Variants in RYR3 observed in about 807,000 individuals in gnomAD.
RYR3 encodes the protein ryanodine receptor 3.
A neutral mutation model predicts 584.3 loss-of-function variants in RYR3; 207 were observed. The ratio of observed to expected loss-of-function variants is 0.35; its 90% CI spans 0.32 to 0.40. The LOEUF (loss-of-function observed/expected upper bound fraction) is 0.40. Among genes scored for constraint, RYR3 ranks in the 10% least tolerant of loss-of-function variants. RYR3 has a pLI of 1.00. For missense variants in RYR3, 5,616 were observed against 6,089.2 expected (o/e 0.92, Z 2.59); for synonymous variants, 2,416 against 2,248.5 (o/e 1.07, Z -2.11).
chr15:33,371,354 A>G (rs1050882493), intron 1 of RYR3, among the ~76,000 whole-genome samples: 6 of 152,184 alleles, frequency 3.9e-5, no homozygotes, highest in Non-Finnish European at 7.3e-5. Flanking sequence ...CATGGTATCA[A>G]GGCTCCTGCA....
At chr15:33,362,413 T>G (rs11854964) in intron 1 of RYR3, among the ~76,000 whole-genome samples, 1,814 of 152,136 alleles carry the variant, frequency 0.012, 31 homozygotes, top group African/African-American at 0.038. Flanking sequence ...ATCATCATCA[T>G]CAGCAGCAGC....
At chr15:33,422,036 A>G (rs900872051) in intron 1 of RYR3, among the ~76,000 whole-genome samples, 15 of 152,164 alleles carry the variant, frequency 9.9e-5, no homozygotes, top group African/African-American at 3.4e-4. Flanking sequence ...CTGCAGTGCT[A>G]CTTCAGTTCA....
At chr15:33,713,041 A>G (rs1037749378) in intron 43 of RYR3, among the ~76,000 whole-genome samples, 2 of 152,210 alleles carry the variant, frequency 1.3e-5, no homozygotes, top group Non-Finnish European at 2.9e-5. Context: ...TAATAAACAG[A>G]TTTCTTTGGA....
At chr15:33,737,994 G>A (rs2069670141) in intron 49 of RYR3, among the ~76,000 whole-genome samples, 1 of 152,084 alleles carries the variant, frequency 6.6e-6, no homozygotes, top group African/African-American at 2.4e-5. Flanking sequence ...TAATTGACGA[G>A]AGAAAATCTT....
intron 60 of RYR3, among the ~76,000 whole-genome samples, chr15:33,759,477 A>C (rs929640797): frequency 2.0e-5 from 3 of 152,220 alleles, no homozygotes; most frequent in Non-Finnish European, 4.4e-5. Context: ...TGAAAAACAC[A>C]GCACAAGAAC....
At chr15:33,610,440 TG>T (rs2060123784) in intron 18 of RYR3, among the ~76,000 whole-genome samples, 1 of 152,184 alleles carries the variant, frequency 6.6e-6, no homozygotes. Context: ...GAGCACGAGT[TG>T]GGTCTTCTGT....
In RYR3 at chr15:33,696,260, C is replaced by T. The variant is rs769773347; in HGVS notation, c.5903C>T (p.Ala1968Val). ...ELISQTMICW[A>V]QEDQIQDSEL... The stretch of plus-strand genomic sequence containing the variant: ...ATCTCACAGACGATGATCTGCTGGG[C>T]CCAGGAGGACCAGATCCAGGATTCA... Residue 1968 changes from alanine (A) to valine (V), a missense_variant, in exon 39 of 104, where the codon GCC (alanine) becomes GTC (valine). Ala to Val is a moderately conservative substitution (Grantham distance 64). Around this residue, in one of 9 missense-constraint regions of RYR3, gnomAD observed 1,280 missense variants for 1,426.2 expected, o/e 0.90. Coordinates refer to ENST00000634891, the MANE Select transcript of RYR3 (RefSeq NM_001036.6). 4 of 1,613,754 alleles carry T rather than the reference C, an allele frequency of 2.5e-6. No homozygotes were observed. The highest frequency in any genetic ancestry group is 1.7e-5 in the Admixed American group (1 of 60,018).
At chr15:33,853,360 TA>T (rs1275639113) in intron 95 of RYR3, among the ~76,000 whole-genome samples, 194 bp from the exon 96 acceptor site, 3 of 152,170 alleles carry the variant, frequency 2.0e-5, no homozygotes, top group African/African-American at 4.8e-5. Context: ...AGTATCAGCT[TA>T]AAAAACAGTT....
At chr15:33,773,651 A>C (rs2073780716) in intron 64 of RYR3, 36 bp downstream of exon 64, 1 of 1,371,498 alleles carries the variant, frequency 7.3e-7, no homozygotes, top group South Asian at 1.2e-5. Flanking sequence ...ACTTTCAGGC[A>C]TAGTAAAATG....
At chr15:33,769,677 G>A (rs2073408521) in intron 62 of RYR3, among the ~76,000 whole-genome samples, 1 of 152,258 alleles carries the variant, frequency 6.6e-6, no homozygotes, top group South Asian at 2.1e-4. Context: ...ACGCAGGCCA[G>A]GCGCGGTGGC....
In RYR3 at chr15:33,838,506, A is replaced by C. The variant is rs1269125263; in HGVS notation, c.12526A>C (p.Thr4176Pro). Reference protein sequence around the residue: ...RKQYRNVKKMTAKELVKVLFS... With the variant: ...RKQYRNVKKMPAKELVKVLFS... ...GCAGTACAGGAACGTGAAAAAGATG[A>C]CTGCGAAGGAGCTGGTGAAGGTGCT... The change falls in exon 89 of 104, where the codon ACT becomes CCT. Residue 4176 changes from threonine (T) to proline (P), a missense_variant. This residue lies in a region of RYR3 where 918 missense variants were observed against 887.4 expected (regional missense o/e 1.03). Transcript: ENST00000634891. 1 of 1,613,964 alleles carries C rather than the reference A, an allele frequency of 6.2e-7. No individual in the cohort carries two copies.
chr15:33,410,734 C>T (rs1032877878), intron 1 of RYR3, among the ~76,000 whole-genome samples: 5 of 152,146 alleles, frequency 3.3e-5, no homozygotes, highest in East Asian at 1.9e-4. Flanking sequence ...TGGAAGGCCA[C>T]GAGAGGAACC....
chr15:33,583,020 G>T (rs2058671491), intron 14 of RYR3, among the ~76,000 whole-genome samples: 1 of 151,240 alleles, frequency 6.6e-6, no homozygotes, highest in Admixed American at 6.6e-5. Context: ...AAACTCAAAT[G>T]ACAGCATATT....
chr15:33,431,854 A>G (rs1194673126), intron 1 of RYR3, among the ~76,000 whole-genome samples: 1 of 152,208 alleles, frequency 6.6e-6, no homozygotes, highest in Non-Finnish European at 1.5e-5. Context: ...ATCTAATTTA[A>G]GCCTAAACCA....
intron 93 of RYR3, 71 bp downstream of exon 93, chr15:33,845,133 C>T (rs1264482964): frequency 1.5e-5 from 22 of 1,516,704 alleles, no homozygotes; most frequent in Non-Finnish European, 2.0e-5. Flanking sequence ...GCCCAGCCAG[C>T]CCTTTGCTCT....
intron 52 of RYR3, among the ~76,000 whole-genome samples, chr15:33,744,770 A>G (rs1437481124): frequency 6.6e-6 from 1 of 152,202 alleles, no homozygotes; most frequent in African/African-American, 2.4e-5. Context: ...TAGCTAGGAC[A>G]TGGAGTAGGA....
intron 89 of RYR3, chr15:33,839,766 C>G (rs1337433120): frequency 6.6e-6 from 1 of 152,126 alleles, no homozygotes; most frequent in Non-Finnish European, 1.5e-5. Context: ...ATAAAGAATG[C>G]TAGGAAGGAG....
chr15:33,448,550 C>T (rs1206748334), intron 1 of RYR3, among the ~76,000 whole-genome samples: 1 of 152,186 alleles, frequency 6.6e-6, no homozygotes, highest in East Asian at 1.9e-4. Context: ...TGGCTGAGCA[C>T]TAACAAGGAA....
intron 31 of RYR3, among the ~76,000 whole-genome samples, chr15:33,651,891 C>T (rs1007376362): frequency 3.9e-5 from 6 of 152,208 alleles, no homozygotes; most frequent in Non-Finnish European, 5.9e-5. Context: ...AAGAAAGAAT[C>T]GGCCATCTCT....
Sources: gnomAD v4.1 joint callset for allele counts (sites outside exome capture counted in the v4.1 genomes callset) on GRCh38, gnomAD v4.1.1 for gene constraint, gnomAD v4.1.1 regional missense constraint, MANE v1.5 for transcripts, NCBI Gene and HGNC (gene_info 2026-07-23, HGNC 2026-07-21) for gene names.